The following SPAG17 variants were observed in gnomAD, a reference collection of about 807,000 sequenced individuals.
The protein encoded by SPAG17 is sperm-associated antigen 17.
A neutral mutation model predicts 273.6 loss-of-function variants in SPAG17; 169 were observed. That is an observed-to-expected ratio of 0.62 (90% CI 0.55 to 0.70). The LOEUF (loss-of-function observed/expected upper bound fraction) is 0.70, where lower values mean the gene tolerates loss of function less well. Ranked by LOEUF, SPAG17 falls within the 30% of genes least tolerant of loss-of-function variation. SPAG17 has a pLI of 0.00. For synonymous variants in SPAG17, 825 were observed against 873.2 expected, an observed-to-expected ratio of 0.94 and a Z score of 0.97; for missense variants, 2,557 against 2,627.8, an observed-to-expected ratio of 0.97 and a Z score of 0.59.
chr1:118,108,660 T>A (rs977741858), intron 4 of SPAG17, among the ~76,000 whole-genome samples: 2 of 152,038 alleles, frequency 1.3e-5, no homozygotes, highest in African/African-American at 4.8e-5. Flanking sequence ...GAGGAACACA[T>A]GTTCCCCAGC....
At chr1:118,047,318 G>T (rs1317899809) in intron 20 of SPAG17, among the ~76,000 whole-genome samples, 1 of 152,170 alleles carries the variant, frequency 6.6e-6, no homozygotes, top group African/African-American at 2.4e-5. Flanking sequence ...CTTCACAAGA[G>T]CCAGGAAAAC....
intron 3 of SPAG17, among the ~76,000 whole-genome samples, chr1:118,138,299 A>G (rs1005890453): frequency 6.6e-6 from 1 of 152,200 alleles, no homozygotes; most frequent in Non-Finnish European, 1.5e-5. Flanking sequence ...GACCATGTCT[A>G]ACTCAATCTT....
chr1:118,167,536 A>C (rs1355688756), intron 1 of SPAG17, among the ~76,000 whole-genome samples: 1 of 152,218 alleles, frequency 6.6e-6, no homozygotes, highest in Non-Finnish European at 1.5e-5. Context: ...CTAAATATTT[A>C]ATCTTACATT....
intron 20 of SPAG17, among the ~76,000 whole-genome samples, chr1:118,045,125 A>G (rs556711633): frequency 6.6e-6 from 1 of 152,174 alleles, no homozygotes; most frequent in Admixed American, 6.5e-5. Flanking sequence ...ATAATAAGAA[A>G]CAGATATTTG....
At chr1:118,029,379 T>A (rs537916727) in intron 25 of SPAG17, among the ~76,000 whole-genome samples, 188 of 152,320 alleles carry the variant, frequency 1.2e-3, no homozygotes, top group African/African-American at 4.2e-3. Flanking sequence ...CTAAGGTATT[T>A]TTTTTATAGC....
chr1:118,178,394 T>A (rs1333187164), intron 1 of SPAG17, among the ~76,000 whole-genome samples: 7 of 151,956 alleles, frequency 4.6e-5, no homozygotes. Context: ...AAATTTAACA[T>A]CCCTTTAGGA....
chr1:117,975,431 A>G (rs550816131), intron 43 of SPAG17, among the ~76,000 whole-genome samples: 6 of 152,326 alleles, frequency 3.9e-5, no homozygotes, highest in African/African-American at 1.4e-4. Flanking sequence ...TAACTAATAT[A>G]GTAGTAGTGT....
At position 117,955,885 on chromosome 1, in the gene SPAG17, T is replaced by G. The variant is rs1223097305; in HGVS notation, c.*1-1836A>C. ...CACTGAATATGTTTACACATATATC[T>G]TTGTCATCATTATTGATTATTTTTC... On this transcript the variant is annotated intron_variant, in intron 48 of 48. Transcript: ENST00000336338. Among the ~76,000 whole-genome samples, 6 of 152,252 alleles carry G rather than the reference T, an allele frequency of 3.9e-5. 1 individual carries two copies. The highest frequency in any genetic ancestry group is 3.4e-3 in the Middle Eastern group (1 of 294).
intron 30 of SPAG17, among the ~76,000 whole-genome samples, chr1:118,011,728 T>C (rs115413677): frequency 1.4e-3 from 210 of 151,954 alleles, no homozygotes; most frequent in African/African-American, 5.0e-3. Flanking sequence ...TTTAAATAAA[T>C]GAATACATAA....
intron 25 of SPAG17, among the ~76,000 whole-genome samples, chr1:118,029,394 C>T (rs1040251107): frequency 6.6e-6 from 1 of 151,838 alleles, no homozygotes; most frequent in African/African-American, 2.4e-5. Context: ...TATAGCAGTC[C>T]AAACTAATAC....
intron 27 of SPAG17, among the ~76,000 whole-genome samples, 157 bp downstream of exon 27, chr1:118,025,081 T>A (rs1647579102): frequency 6.6e-6 from 1 of 152,240 alleles, no homozygotes; most frequent in Non-Finnish European, 1.5e-5. Flanking sequence ...ATAGTGTTTT[T>A]TAATTCTAAC....
At chr1:118,008,699 A>T (rs1444179450) in intron 30 of SPAG17, among the ~76,000 whole-genome samples, 1 of 152,146 alleles carries the variant, frequency 6.6e-6, no homozygotes, top group Non-Finnish European at 1.5e-5. Context: ...TATGTAAGCT[A>T]TATGTTACTC....
chr1:118,091,343 C>T (rs1191496424), intron 10 of SPAG17, among the ~76,000 whole-genome samples: 2 of 152,132 alleles, frequency 1.3e-5, no homozygotes, highest in Non-Finnish European at 2.9e-5. Context: ...ATTAAAATGA[C>T]ACCAGACACA....
intron 48 of SPAG17, chr1:117,954,653 C>G: frequency 6.2e-7 from 1 of 1,605,818 alleles, no homozygotes; most frequent in Non-Finnish European, 8.5e-7. Context: ...AACGGTTTTC[C>G]TTTGTTTATT....
intron 29 of SPAG17, among the ~76,000 whole-genome samples, chr1:118,014,601 G>A (rs1343483163): frequency 6.6e-6 from 1 of 152,212 alleles, no homozygotes; most frequent in Non-Finnish European, 1.5e-5. Context: ...TATTTCAGAA[G>A]TAGGCTGAAG....
chr1:117,959,215 T>G (rs1428838552), intron 48 of SPAG17: 2 of 1,513,646 alleles, frequency 1.3e-6, no homozygotes, highest in Non-Finnish European at 1.8e-6. Flanking sequence ...AAGCTTTGGT[T>G]ACCCTAACTC....
chr1:118,036,732 G>C (rs1417868169), intron 24 of SPAG17, 38 bp downstream of exon 24: 3 of 1,403,854 alleles, frequency 2.1e-6, no homozygotes, highest in East Asian at 5.0e-5. Context: ...ACCCTTGGCT[G>C]TGGGGCACAC....
intron 47 of SPAG17, chr1:117,964,235 G>GC (rs1653507301): frequency 1.2e-5 from 2 of 173,758 alleles, no homozygotes; most frequent in African/African-American, 5.1e-5. Flanking sequence ...CAGATTTCAT[G>GC]CTTTTTTTTT....
chr1:118,109,821 C>T (rs1268383752), intron 4 of SPAG17, among the ~76,000 whole-genome samples: 3 of 152,092 alleles, frequency 2.0e-5, no homozygotes, highest in African/African-American at 4.8e-5. Context: ...ATAGGCTAAA[C>T]AAAGGTATAA....
Sources: gnomAD v4.1 joint callset for allele counts (sites outside exome capture counted in the v4.1 genomes callset) on GRCh38, gnomAD v4.1.1 for gene constraint, MANE v1.5 for transcripts, NCBI Gene and HGNC (gene_info 2026-07-23, HGNC 2026-07-21) for gene names.